The following KCNT1 variants were observed in gnomAD, a reference collection of about 807,000 sequenced individuals.
KCNT1 encodes the protein potassium sodium-activated channel subfamily T member 1.
Under a neutral mutation model 147.8 loss-of-function variants are expected in KCNT1, and 78 were observed. The ratio of observed to expected loss-of-function variants is 0.53; its 90% CI spans 0.44 to 0.64. The LOEUF is 0.64. Among genes scored for constraint, KCNT1 ranks in the 30% least tolerant of loss-of-function variants. The pLI, the probability that KCNT1 is intolerant of heterozygous loss-of-function variation, is 0.00. For missense variants in KCNT1, 1,419 were observed against 1,750.3 expected (o/e 0.81, Z 3.38); for synonymous variants, 867 against 748.8 (o/e 1.16, Z -2.58).
Position 135,709,504 on chromosome 9 carries a change from C to T in KCNT1, c.111-5073C>T, listed in dbSNP as rs75723241. ...TCATAATTAATCCACTGCTCCCAGTCGGCTGGACACTACATGAGAGCCCTG... is the reference window on the plus strand; with the variant it reads ...TCATAATTAATCCACTGCTCCCAGTTGGCTGGACACTACATGAGAGCCCTG... On this transcript the variant is annotated intron_variant, in intron 1 of 30. Transcript: ENST00000371757. Among the ~76,000 whole-genome samples the T allele has an allele frequency of 6.1e-3, 922 of 152,268 alleles. 3 individuals carry two copies. The highest frequency in any genetic ancestry group is 0.02 in the African/African-American group (821 of 41,536).
intron 17 of KCNT1, 74 bp from the exon 18 acceptor site, chr9:135,770,783 G>C: frequency 7.3e-7 from 1 of 1,362,838 alleles, no homozygotes; most frequent in Non-Finnish European, 1.0e-6. Context: ...CTGGTGATTT[G>C]CAGGAAGGGC....
Position 135,768,916 on chromosome 9 carries a change from A to G in KCNT1, c.1489A>G (p.Lys497Glu). The G allele has an allele frequency of 1.2e-6, 2 of 1,613,236 alleles. No homozygotes were observed. The highest frequency in any genetic ancestry group is 1.7e-6 in the Non-Finnish European group (2 of 1,179,774). The change falls in exon 15 of 31, where the codon AAG becomes GAG. Residue 497 changes from lysine to glutamate, a missense_variant. Lys to Glu is a moderately conservative substitution (Grantham distance 56, BLOSUM62 1). Around this residue, in one of 5 missense-constraint regions of KCNT1, gnomAD observed 401 missense variants for 610.6 expected, o/e 0.66. Transcript: ENST00000371757. ...CGTCCAGATCCTCAAACCTGAAAAC[A>G]AGTTTCACGTCAAGTTTGCTGGTGC... ...LYVQILKPENKFHVKFADHVV... is the reference protein window; with the variant it reads ...LYVQILKPENEFHVKFADHVV...
chr9:135,746,714 C>T (rs13299429), intron 2 of KCNT1, among the ~76,000 whole-genome samples: 20,734 of 152,070 alleles, frequency 0.14, 1,613 homozygotes, highest in South Asian at 0.17. Flanking sequence ...GGGTTGGGGG[C>T]GTGGCCGGAG....
In KCNT1 at chr9:135,751,021, C is replaced by T; in HGVS notation, c.414C>T (p.Asp138=). The T allele has an allele frequency of 3.1e-6, 5 of 1,611,842 alleles. No individual in the cohort carries two copies. The highest frequency in any genetic ancestry group is 4.2e-6 in the Non-Finnish European group (5 of 1,179,806). The change falls in exon 4 of 31, where the codon GAC becomes GAT. Residue 138 remains aspartate, a synonymous_variant. Transcript: ENST00000371757. The part of the protein sequence containing the change: ...LLYIVRVLLD[D]PALGIGCWGC... ...ACATTGTGCGCGTCCTGCTCGATGA[C>T]CCGGCCCTGGGCATCGGATGGTGGG...
At chr9:135,721,843 GC>G (rs1835936815) in intron 2 of KCNT1, among the ~76,000 whole-genome samples, 1 of 152,196 alleles carries the variant, frequency 6.6e-6, no homozygotes, top group African/African-American at 2.4e-5. Context: ...TGTCTCCTGG[GC>G]CCCCTACCAG....
chr9:135,763,203 C>T (rs1033102299), intron 11 of KCNT1, among the ~76,000 whole-genome samples: 6 of 152,214 alleles, frequency 3.9e-5, no homozygotes, highest in African/African-American at 1.4e-4. Flanking sequence ...GACAGTGATG[C>T]CGCTGACCCC....
chr9:135,784,791 C>T lies in KCNT1; in HGVS notation c.3058C>T (p.Arg1020Cys), dbSNP rs747605326. Residue 1020 changes from arginine (R) to cysteine (C), a missense_variant, in exon 27 of 31, where the codon CGC becomes TGC. By Grantham distance (180) the Arg-to-Cys change is radical. Transcript: ENST00000371757. ...AATCACCGAGGGCGACCTGTGGATC[C>T]GCACGTACGGCCGCCTCTTCCAGAA... is the stretch of plus-strand genomic sequence containing the variant. ...MKITEGDLWI[R>C]TYGRLFQKLC... 86 of 1,612,642 alleles carry T rather than the reference C, an allele frequency of 5.3e-5. No individual in the cohort carries two copies. Among genetic ancestry groups the T allele is most frequent in the Middle Eastern group, 1.6e-4 (1 of 6,084 alleles).
chr9:135,727,903 C>T (rs1033994157), intron 2 of KCNT1, among the ~76,000 whole-genome samples: 22 of 152,294 alleles, frequency 1.4e-4, no homozygotes, highest in African/African-American at 4.8e-4. Context: ...TCTAAAAAGG[C>T]GAGTGAGGGA....
Position 135,791,460 on chromosome 9 carries a change from G to A in KCNT1, c.3503-337G>A, listed in dbSNP as rs146233151. Reference sequence around the variant, plus strand: ...CACGTCCCGGTGTCTGCAGGCTGACGTACGTGGCAGGTGTGCGCTGGTGTG... The same window carrying A: ...CACGTCCCGGTGTCTGCAGGCTGACATACGTGGCAGGTGTGCGCTGGTGTG... On this transcript the variant is annotated intron_variant, in intron 29 of 30. Transcript: ENST00000371757. 490 of 307,224 alleles carry A rather than the reference G, an allele frequency of 1.6e-3. 4 individuals are homozygous for A. Among genetic ancestry groups the A allele is most frequent in the East Asian group, 0.01 (136 of 13,308 alleles). The allele number at this position is 307,224 out of a possible 1,614,324, so 19.0% of individuals were successfully genotyped here.
chr9:135,768,107 C>T lies in KCNT1; in HGVS notation c.1338-503C>T, dbSNP rs895118163. On this transcript the variant is annotated intron_variant, in intron 13 of 30. Coordinates refer to ENST00000371757, the MANE Select transcript of KCNT1 (RefSeq NM_020822.3). ...CACCCTCTGTCAGCCTGCACACGCT[C>T]GGGGGACAGGTGTGGCTCCTGTGCC... Among the ~76,000 whole-genome samples, 147 of 151,272 alleles carry T rather than the reference C, an allele frequency of 9.7e-4. 1 individual carries two copies. The highest frequency in any genetic ancestry group is 4.0e-4 in the Non-Finnish European group (27 of 67,786).
intron 2 of KCNT1, among the ~76,000 whole-genome samples, chr9:135,727,729 C>T (rs984968061): frequency 2.6e-5 from 4 of 152,250 alleles, no homozygotes; most frequent in Non-Finnish European, 4.4e-5. Context: ...AGCCCCCACT[C>T]GCTGGCCTGG....
intron 13 of KCNT1, among the ~76,000 whole-genome samples, chr9:135,766,471 G>T (rs920571626): frequency 2.0e-5 from 3 of 150,404 alleles, no homozygotes; most frequent in African/African-American, 7.4e-5. Flanking sequence ...GGGGCGGACC[G>T]TCTGGGGTAT....
chr9:135,702,580 G>A (rs1304817107), intron 1 of KCNT1, among the ~76,000 whole-genome samples: 1 of 152,164 alleles, frequency 6.6e-6, no homozygotes, highest in Admixed American at 6.5e-5. Context: ...AGGCAGCAGC[G>A]TCCGTCCCCA....
At chr9:135,761,885 T>C (rs1173038027) in intron 11 of KCNT1, among the ~76,000 whole-genome samples, 1 of 152,064 alleles carries the variant, frequency 6.6e-6, no homozygotes, top group African/African-American at 2.4e-5. Context: ...TGCGTCCGGC[T>C]CCTCTCCCCA....
At position 135,730,436 on chromosome 9, in the gene KCNT1, C is replaced by T. The variant is rs1201761707; in HGVS notation, c.254+15716C>T. On this transcript the variant is annotated intron_variant, in intron 2 of 30. Coordinates refer to ENST00000371757, the MANE Select transcript of KCNT1 (RefSeq NM_020822.3). This position sits in a 1 kb window ranked among gnomAD's most constrained non-coding sequence, Gnocchi z 4.7. The stretch of plus-strand genomic sequence containing the variant: ...GAGGGCCTTGAAGATGGGAAATTAT[C>T]GTGGATGATCTGGGTGAGCCAAGAT... 2.6e-5 allele frequency among the ~76,000 whole-genome samples: 4 copies of T among 152,156 alleles called. No homozygotes were observed. The highest frequency in any genetic ancestry group is 5.9e-5 in the Non-Finnish European group (4 of 68,046).
chr9:135,790,311 G>A (rs965648223), intron 29 of KCNT1: 11 of 152,270 alleles, frequency 7.2e-5, no homozygotes, highest in African/African-American at 1.7e-4. Flanking sequence ...GGGAGGGTGT[G>A]TCTCCCTGCA....
intron 1 of KCNT1, among the ~76,000 whole-genome samples, chr9:135,712,146 G>C (rs1835524384): frequency 6.6e-6 from 1 of 152,116 alleles, no homozygotes; most frequent in Non-Finnish European, 1.5e-5. Flanking sequence ...TGAGCCCCTG[G>C]GCTGCCCCGG....
chr9:135,755,154 A>C lies in KCNT1; in HGVS notation c.525A>C (p.Thr175=). 3.1e-6 allele frequency: 5 copies of C among 1,611,894 alleles called. No homozygotes were observed. Among genetic ancestry groups the C allele is most frequent in the Non-Finnish European group, 4.2e-6 (5 of 1,178,858 alleles). The part of the protein sequence containing the change: ...APILWVERKM[T]LWAIQVIVAI... The stretch of plus-strand genomic sequence containing the variant: ...TTCTGTGGGTGGAGAGAAAGATGAC[A>C]CTGTGGGCGATCCAGGTGAGTGCCC... Residue 175 remains threonine (T), a synonymous_variant, in exon 6 of 31, where the codon ACA becomes ACC. Coordinates refer to ENST00000371757, the MANE Select transcript of KCNT1 (RefSeq NM_020822.3).
intron 24 of KCNT1, among the ~76,000 whole-genome samples, chr9:135,782,212 C>A (rs578064925): frequency 1.4e-3 from 206 of 152,114 alleles, no homozygotes; most frequent in African/African-American, 3.8e-3. Flanking sequence ...TCAAAAAAAA[C>A]CAAGCAAAAA....
Sources: gnomAD v4.1 joint callset for allele counts (sites outside exome capture counted in the v4.1 genomes callset) on GRCh38, gnomAD v4.1.1 for gene constraint, gnomAD v4.1.1 regional missense constraint, Gnocchi (gnomAD v3.1) non-coding constraint, MANE v1.5 for transcripts, NCBI Gene and HGNC (gene_info 2026-07-23, HGNC 2026-07-21) for gene names.